Variants in LEMD3 observed in about 807,000 individuals in gnomAD.
The protein encoded by LEMD3 is inner nuclear membrane protein Man1.
In LEMD3, 33 loss-of-function variants were observed where a neutral mutation model predicts 95.2. The ratio of observed to expected loss-of-function variants is 0.35; its 90% CI spans 0.26 to 0.46. The LOEUF (loss-of-function observed/expected upper bound fraction) is 0.46, where lower values mean the gene tolerates loss of function less well. LEMD3 is among the 20% of genes least tolerant of loss of function. LEMD3 has a pLI of 1.00. For missense variants in LEMD3, 1,210 were observed against 1,192.8 expected (o/e 1.01, Z -0.21); for synonymous variants, 525 against 474.6 (o/e 1.11, Z -1.38).
At chr12:65,178,266 G>T (rs1868791409) in intron 1 of LEMD3, among the ~76,000 whole-genome samples, 1 of 151,812 alleles carries the variant, frequency 6.6e-6, no homozygotes, top group African/African-American at 2.4e-5. Context: ...GAATGCCAGG[G>T]ATTTGCATAT....
At chr12:65,217,098 G>C (rs1870133404) in intron 3 of LEMD3, among the ~76,000 whole-genome samples, 4 of 152,162 alleles carry the variant, frequency 2.6e-5, no homozygotes, top group Non-Finnish European at 5.9e-5. Flanking sequence ...AGCTAAATCA[G>C]CATAATCTGA....
rs1381163960 is a variant in LEMD3, at chr12:65,246,505, G to C, written c.*180G>C. On this transcript the variant is annotated 3_prime_UTR_variant, in exon 13 of 13. Coordinates refer to ENST00000308330, the MANE Select transcript of LEMD3 (RefSeq NM_014319.5). The stretch of plus-strand genomic sequence containing the variant: ...AGCAGTGAGGCAGCAATGCTGAGTA[G>C]GTAGGATAATTATTTCATTCAGTTT... 1.6e-6 allele frequency: 1 copy of C among 606,560 alleles called. No individual in the cohort carries two copies. The highest frequency in any genetic ancestry group is 2.9e-6 in the Non-Finnish European group (1 of 343,912). The allele number at this position is 606,560 out of a possible 1,614,324, so 37.6% of individuals were successfully genotyped here.
At chr12:65,235,052 A>G (rs1263359219) in intron 4 of LEMD3, among the ~76,000 whole-genome samples, 2 of 152,200 alleles carry the variant, frequency 1.3e-5, no homozygotes, top group Non-Finnish European at 2.9e-5. Flanking sequence ...CAGCATGTAT[A>G]TAAGTACAAG....
intron 4 of LEMD3, among the ~76,000 whole-genome samples, chr12:65,229,552 TTG>T (rs1211741677): frequency 6.6e-6 from 1 of 152,202 alleles, no homozygotes; most frequent in East Asian, 1.9e-4. Flanking sequence ...TTGTTATTTT[TTG>T]TCCTTTTGAT....
At chr12:65,173,888 TAGTC>T (rs1868631220) in intron 1 of LEMD3, among the ~76,000 whole-genome samples, 1 of 152,178 alleles carries the variant, frequency 6.6e-6, no homozygotes, top group Non-Finnish European at 1.5e-5. Context: ...TAACTTCAGT[TAGTC>T]TGCACACCTA....
chr12:65,227,295 CT>C (rs1221805518), intron 4 of LEMD3, among the ~76,000 whole-genome samples: 1 of 152,052 alleles, frequency 6.6e-6, no homozygotes, highest in African/African-American at 2.4e-5. Flanking sequence ...TTCCTGTTTT[CT>C]TTTTGTTAGG....
intron 2 of LEMD3, among the ~76,000 whole-genome samples, chr12:65,213,058 C>T (rs1054290054): frequency 7.3e-5 from 11 of 151,250 alleles, no homozygotes; most frequent in African/African-American, 2.7e-4. Context: ...TGCACTCTGC[C>T]ACAGCCTGAG....
intron 1 of LEMD3, among the ~76,000 whole-genome samples, chr12:65,185,575 A>G (rs1252291193): frequency 6.6e-6 from 1 of 151,976 alleles, no homozygotes; most frequent in Non-Finnish European, 1.5e-5. Context: ...TATCAAAAGT[A>G]CTGTTATGGG....
At chr12:65,222,137 C>T (rs764240385) in intron 4 of LEMD3, among the ~76,000 whole-genome samples, 1 of 152,032 alleles carries the variant, frequency 6.6e-6, no homozygotes, top group Non-Finnish European at 1.5e-5. Flanking sequence ...CCTTCTATTC[C>T]TCTTTATTGA....
At chr12:65,174,346 A>G (rs1417631542) in intron 1 of LEMD3, among the ~76,000 whole-genome samples, 1 of 152,192 alleles carries the variant, frequency 6.6e-6, no homozygotes, top group Admixed American at 6.5e-5. Flanking sequence ...AAAACAACTC[A>G]AGGATCAACC....
intron 6 of LEMD3, 78 bp from the exon 7 acceptor site, chr12:65,239,851 C>A: frequency 1.1e-6 from 1 of 930,702 alleles, no homozygotes; most frequent in Non-Finnish European, 1.7e-6. Flanking sequence ...TCCGTTGTGG[C>A]AGTTAAAATA....
At chr12:65,238,074 G>C (rs916983653) in intron 4 of LEMD3, among the ~76,000 whole-genome samples, 1 of 152,136 alleles carries the variant, frequency 6.6e-6, no homozygotes, top group African/African-American at 2.4e-5. Context: ...TTTAAGTCCA[G>C]CCTGGCCAGC....
At chr12:65,185,018 C>T (rs1228030481) in intron 1 of LEMD3, among the ~76,000 whole-genome samples, 1 of 151,892 alleles carries the variant, frequency 6.6e-6, no homozygotes, top group Non-Finnish European at 1.5e-5. Flanking sequence ...TGCTCTGTTG[C>T]CCAGGCTAGC....
In LEMD3 at chr12:65,246,534, G is replaced by A. The variant is rs893714276; in HGVS notation, c.*209G>A. 1.1e-5 allele frequency: 6 copies of A among 569,658 alleles called. No homozygotes were observed. Among genetic ancestry groups the A allele is most frequent in the Non-Finnish European group, 1.9e-5 (6 of 321,312 alleles). 35.3% of individuals were successfully genotyped at this position (569,658 alleles called of 1,614,324 possible). On this transcript the variant is annotated 3_prime_UTR_variant, in exon 13 of 13. Coordinates refer to ENST00000308330, the MANE Select transcript of LEMD3 (RefSeq NM_014319.5). Reference sequence around the variant, plus strand: ...GGATAATTATTTCATTCAGTTTTTGGAGCTCAGTTAAGCCAATACATTTAA... The same window carrying A: ...GGATAATTATTTCATTCAGTTTTTGAAGCTCAGTTAAGCCAATACATTTAA...
intron 3 of LEMD3, among the ~76,000 whole-genome samples, chr12:65,217,058 G>C (rs1163487334): frequency 6.6e-6 from 1 of 152,176 alleles, no homozygotes; most frequent in Non-Finnish European, 1.5e-5. Context: ...TATCTCTGTA[G>C]CATTGTTTTA....
At chr12:65,226,057 T>G (rs1870439712) in intron 4 of LEMD3, among the ~76,000 whole-genome samples, 1 of 152,206 alleles carries the variant, frequency 6.6e-6, no homozygotes, top group African/African-American at 2.4e-5. Flanking sequence ...AGTTGGGGTT[T>G]TTCTCAACTT....
chr12:65,218,563 T>C lies in LEMD3; in HGVS notation c.1639T>C (p.Cys547Arg). ...RLAQLAGDHE[C>R]GSSSQRTLSV... Reference sequence around the variant, plus strand: ...GCTAATCTTTCCAGGAGATCATGAATGTGGCAGTTCTAGTCAAAGAACGCT... The same window carrying C: ...GCTAATCTTTCCAGGAGATCATGAACGTGGCAGTTCTAGTCAAAGAACGCT... Residue 547 changes from cysteine (C) to arginine (R), a missense_variant, in exon 4 of 13, where the codon TGT (cysteine) becomes CGT (arginine). This residue lies in a region of LEMD3 where 461 missense variants were observed against 569.8 expected (regional missense o/e 0.81). Coordinates refer to ENST00000308330, the MANE Select transcript of LEMD3 (RefSeq NM_014319.5). 6.2e-7 allele frequency: 1 copy of C among 1,603,882 alleles called. No individual in the cohort carries two copies. Among genetic ancestry groups the C allele is most frequent in the Non-Finnish European group, 8.5e-7 (1 of 1,172,892 alleles).
intron 4 of LEMD3, among the ~76,000 whole-genome samples, chr12:65,235,933 C>T (rs555354387): frequency 9.2e-5 from 14 of 151,916 alleles, no homozygotes; most frequent in Non-Finnish European, 1.9e-4. Context: ...ATAATAAACA[C>T]CCAAGCTTAA....
At chr12:65,182,854 A>G (rs897014118) in intron 1 of LEMD3, among the ~76,000 whole-genome samples, 3 of 152,304 alleles carry the variant, frequency 2.0e-5, no homozygotes, top group African/African-American at 7.2e-5. Context: ...CATACAGTTG[A>G]TACAGAAAGG....
Sources: allele counts gnomAD v4.1 joint callset (sites outside exome capture counted in the v4.1 genomes callset), GRCh38; gene constraint gnomAD v4.1.1; regional missense constraint gnomAD v4.1.1; transcripts MANE v1.5; gene names NCBI Gene and HGNC (gene_info 2026-07-23, HGNC 2026-07-21).